Variants in CNTNAP2 observed in about 807,000 individuals in gnomAD.
The protein encoded by CNTNAP2 is contactin-associated protein-like 2.
Under a neutral mutation model 155.2 loss-of-function variants are expected in CNTNAP2, and 98 were observed. The ratio of observed to expected loss-of-function variants is 0.63; its 90% CI spans 0.54 to 0.75. CNTNAP2 has a LOEUF of 0.75. CNTNAP2 is among the 30% of genes least tolerant of loss of function. The pLI, the probability that CNTNAP2 is intolerant of heterozygous loss-of-function variation, is 0.00. For synonymous variants in CNTNAP2, 651 were observed against 631.2 expected, an observed-to-expected ratio of 1.03 and a Z score of -0.47; for missense variants, 1,727 against 1,688.1, an observed-to-expected ratio of 1.02 and a Z score of -0.40.
chr7:148,278,918 C>A (rs116627443), intron 21 of CNTNAP2, among the ~76,000 whole-genome samples: 1 of 152,110 alleles, frequency 6.6e-6, no homozygotes, highest in African/African-American at 2.4e-5. Flanking sequence ...AAAAGCCTTC[C>A]AGGAAGAGAG....
At position 147,190,703 on chromosome 7, in the gene CNTNAP2, G is replaced by A. The variant is rs1802662869; in HGVS notation, c.1348+58194G>A. On this transcript the variant is annotated intron_variant, in intron 8 of 23. Transcript: ENST00000361727. Reference sequence around the variant, plus strand: ...TTTTGCATAAATCACCATGAACAATGAGGTACTCATCACCTTGTCAGTTAG... The same window carrying A: ...TTTTGCATAAATCACCATGAACAATAAGGTACTCATCACCTTGTCAGTTAG... 2.6e-5 allele frequency among the ~76,000 whole-genome samples: 4 copies of A among 152,190 alleles called. No individual in the cohort carries two copies. The South Asian group carries it at 8.3e-4, about 31-fold the overall frequency.
intron 11 of CNTNAP2, among the ~76,000 whole-genome samples, chr7:147,557,927 A>T (rs531536625): frequency 6.6e-6 from 1 of 152,204 alleles, no homozygotes; most frequent in African/African-American, 2.4e-5. Context: ...TCCAGGCGGT[A>T]AATGACAGAA....
At chr7:147,106,425 G>A (rs1426365943) in intron 4 of CNTNAP2, among the ~76,000 whole-genome samples, 1 of 152,044 alleles carries the variant, frequency 6.6e-6, no homozygotes, top group African/African-American at 2.4e-5. Flanking sequence ...AGTGTTAGCA[G>A]AAGCCAAAAT....
At chr7:147,829,221 A>T (rs539083523) in intron 13 of CNTNAP2, among the ~76,000 whole-genome samples, 4 of 152,276 alleles carry the variant, frequency 2.6e-5, no homozygotes, top group Admixed American at 2.6e-4. Flanking sequence ...GCAAGAACAG[A>T]TGGGGTTGAG....
At chr7:147,438,637 T>C (rs1195893820) in intron 10 of CNTNAP2, among the ~76,000 whole-genome samples, 2 of 152,190 alleles carry the variant, frequency 1.3e-5, no homozygotes, top group African/African-American at 4.8e-5. Flanking sequence ...TCTTCCTCTA[T>C]TTTTTAGAAT....
intron 3 of CNTNAP2, among the ~76,000 whole-genome samples, chr7:146,917,014 G>C (rs1416488990): frequency 1.3e-5 from 2 of 152,040 alleles, no homozygotes; most frequent in African/African-American, 4.8e-5. Context: ...TTGATACGTT[G>C]TGTCACTATT....
intron 6 of CNTNAP2, chr7:147,122,492 A>G (rs1462564539): frequency 6.6e-6 from 1 of 152,226 alleles, no homozygotes; most frequent in African/African-American, 2.4e-5. Context: ...AGCAATTATT[A>G]CTAATGGGAT....
At chr7:148,003,589 A>G (rs935519725) in intron 15 of CNTNAP2, among the ~76,000 whole-genome samples, 4 of 152,320 alleles carry the variant, frequency 2.6e-5, no homozygotes, top group Non-Finnish European at 4.4e-5. Flanking sequence ...GGGGAAAAAG[A>G]CAAATTGAAA....
chr7:146,927,032 G>C (rs935892289), intron 3 of CNTNAP2, among the ~76,000 whole-genome samples: 3 of 152,142 alleles, frequency 2.0e-5, no homozygotes, highest in East Asian at 3.8e-4. Flanking sequence ...GAAGAGCTTT[G>C]AGTTAGTCCT....
At chr7:147,117,116 C>T (rs1183102898) in intron 5 of CNTNAP2, among the ~76,000 whole-genome samples, 2 of 152,114 alleles carry the variant, frequency 1.3e-5, no homozygotes, top group Non-Finnish European at 2.9e-5. Context: ...CTGGATTCTG[C>T]CCCCTTCCTA....
At chr7:146,466,232 A>T (rs886842652) in intron 1 of CNTNAP2, among the ~76,000 whole-genome samples, 1 of 152,176 alleles carries the variant, frequency 6.6e-6, no homozygotes, top group Non-Finnish European at 1.5e-5. Flanking sequence ...TACAAAGTGA[A>T]GGATGCACCG....
intron 12 of CNTNAP2, among the ~76,000 whole-genome samples, chr7:147,584,572 G>A (rs889439171): frequency 6.6e-6 from 1 of 152,192 alleles, no homozygotes; most frequent in African/African-American, 2.4e-5. Flanking sequence ...CAGAGTCAAA[G>A]CCATTACATG....
chr7:147,473,940 G>A (rs1363620362), intron 10 of CNTNAP2, among the ~76,000 whole-genome samples: 4 of 152,050 alleles, frequency 2.6e-5, no homozygotes, highest in African/African-American at 4.8e-5. Flanking sequence ...TCAGCCGGGC[G>A]TGGTGGCACA....
At chr7:147,740,353 T>A (rs1796936043) in intron 13 of CNTNAP2, among the ~76,000 whole-genome samples, 1 of 152,264 alleles carries the variant, frequency 6.6e-6, no homozygotes, top group African/African-American at 2.4e-5. Context: ...CCCCCAAAAA[T>A]AGTAAAAATA....
chr7:147,747,221 C>G (rs1022785507), intron 13 of CNTNAP2, among the ~76,000 whole-genome samples: 8 of 152,174 alleles, frequency 5.3e-5, no homozygotes, highest in African/African-American at 1.4e-4. Context: ...AGGAGTCTTC[C>G]TCCTTCAATC....
intron 8 of CNTNAP2, chr7:147,146,722 G>A (rs1427226708): frequency 6.6e-6 from 1 of 152,198 alleles, no homozygotes; most frequent in Admixed American, 6.5e-5. Context: ...GAATAACACT[G>A]AAGTGGGTTC....
chr7:148,324,840 T>G (rs1428740485), intron 21 of CNTNAP2, among the ~76,000 whole-genome samples: 1 of 151,336 alleles, frequency 6.6e-6, no homozygotes, highest in Non-Finnish European at 1.5e-5. Context: ...TGTACTATGC[T>G]AGATACCCAG....
chr7:147,102,626 C>A (rs73154353), intron 4 of CNTNAP2, among the ~76,000 whole-genome samples: 2,243 of 152,166 alleles, frequency 0.015, 26 homozygotes, highest in South Asian at 0.038. Context: ...TGTTTTGTTC[C>A]ATTTTCCCCA....
intron 1 of CNTNAP2, among the ~76,000 whole-genome samples, chr7:146,341,665 A>T (rs940694038): frequency 1.3e-5 from 2 of 152,168 alleles, no homozygotes; most frequent in Non-Finnish European, 2.9e-5. Flanking sequence ...TTAGGCAGAA[A>T]AGCAAGCTGT....
Sources: gnomAD v4.1 joint callset for allele counts (sites outside exome capture counted in the v4.1 genomes callset) on GRCh38, gnomAD v4.1.1 for gene constraint, MANE v1.5 for transcripts, NCBI Gene and HGNC (gene_info 2026-07-23, HGNC 2026-07-21) for gene names.